Variants in DENND1B observed in about 807,000 individuals in gnomAD.
The protein encoded by DENND1B is DENN domain containing 1B.
A neutral mutation model predicts 90.1 loss-of-function variants in DENND1B; 59 were observed. The observed-to-expected ratio is 0.65, with a 90% CI of 0.53 to 0.81. DENND1B has a LOEUF of 0.81. Among genes scored for constraint, DENND1B ranks in the 40% least tolerant of loss-of-function variants. DENND1B has a pLI of 0.00. For synonymous variants in DENND1B, 337 were observed against 324.6 expected (o/e 1.04, Z -0.41); for missense variants, 862 against 912.6 (o/e 0.94, Z 0.71).
intron 10 of DENND1B, among the ~76,000 whole-genome samples, chr1:197,620,042 T>C (rs1409397477): frequency 6.6e-6 from 1 of 151,286 alleles, no homozygotes. Context: ...ATAGCAAAAG[T>C]GTCAGGTTTA....
chr1:197,567,731 A>G (rs1672798555), intron 15 of DENND1B, among the ~76,000 whole-genome samples: 1 of 152,180 alleles, frequency 6.6e-6, no homozygotes, highest in Non-Finnish European at 1.5e-5. Context: ...TCACATCAAC[A>G]GATGCACAAA....
intron 14 of DENND1B, among the ~76,000 whole-genome samples, chr1:197,588,893 T>C (rs1051716342): frequency 2.6e-4 from 39 of 152,238 alleles, no homozygotes; most frequent in African/African-American, 8.7e-4. Context: ...AGTTTAATCA[T>C]CAGCATCAAA....
At chr1:197,625,017 T>G (rs929211910) in intron 10 of DENND1B, among the ~76,000 whole-genome samples, 10 of 151,766 alleles carry the variant, frequency 6.6e-5, no homozygotes, top group African/African-American at 2.4e-4. Flanking sequence ...TGGGACTATG[T>G]GAAAAGACCA....
intron 2 of DENND1B, among the ~76,000 whole-genome samples, chr1:197,741,966 C>G (rs1457708428): frequency 2.6e-5 from 4 of 151,998 alleles, no homozygotes; most frequent in Admixed American, 2.6e-4. Flanking sequence ...GCTACTGAAC[C>G]TAACATAGAG....
At chr1:197,763,927 A>G (rs189446844) in intron 2 of DENND1B, among the ~76,000 whole-genome samples, 526 of 152,342 alleles carry the variant, frequency 3.5e-3, no homozygotes, top group African/African-American at 8.4e-3. Context: ...TGCATGACGC[A>G]TAACTGGCAC....
intron 20 of DENND1B, among the ~76,000 whole-genome samples, chr1:197,536,222 T>G (rs1244883295): frequency 2.0e-5 from 3 of 149,106 alleles, no homozygotes; most frequent in Admixed American, 2.0e-4. Flanking sequence ...AAGCTGATAT[T>G]CTTCCCTGAT....
intron 2 of DENND1B, among the ~76,000 whole-genome samples, chr1:197,766,491 T>A (rs999295810): frequency 1.3e-5 from 2 of 152,220 alleles, no homozygotes; most frequent in South Asian, 2.1e-4. Flanking sequence ...GGTTTTAGTA[T>A]GTATGAATGG....
intron 20 of DENND1B, among the ~76,000 whole-genome samples, chr1:197,513,283 C>T (rs780341985): frequency 4.0e-5 from 6 of 151,522 alleles, no homozygotes; most frequent in South Asian, 2.1e-4. Context: ...TACCCTCATG[C>T]ACCCATCACA....
At chr1:197,735,700 C>T in intron 2 of DENND1B, 1 of 1,613,970 alleles carries the variant, frequency 6.2e-7, no homozygotes, top group Non-Finnish European at 8.5e-7. Flanking sequence ...AGGCGCTACG[C>T]CAGGACCGAC....
intron 13 of DENND1B, among the ~76,000 whole-genome samples, chr1:197,600,802 G>T (rs1676139111): frequency 6.6e-6 from 1 of 151,258 alleles, no homozygotes; most frequent in South Asian, 2.1e-4. Context: ...TCTCATACTG[G>T]TGCACCTGAA....
At chr1:197,687,674 T>G (rs1422803843) in intron 3 of DENND1B, among the ~76,000 whole-genome samples, 1 of 152,114 alleles carries the variant, frequency 6.6e-6, no homozygotes, top group East Asian at 1.9e-4. Flanking sequence ...CTCAAAATAA[T>G]GAAGGCCATA....
chr1:197,720,700 T>C (rs1159585323), intron 2 of DENND1B, among the ~76,000 whole-genome samples: 1 of 152,116 alleles, frequency 6.6e-6, no homozygotes, highest in Non-Finnish European at 1.5e-5. Flanking sequence ...AACACAGATT[T>C]ACTGCATGAT....
chr1:197,613,197 A>G (rs1167844982), intron 11 of DENND1B, among the ~76,000 whole-genome samples: 7 of 150,756 alleles, frequency 4.6e-5, no homozygotes, highest in African/African-American at 1.5e-4. Flanking sequence ...CCAGCAATAG[A>G]TTACACAGCC....
intron 15 of DENND1B, 94 bp downstream of exon 15, chr1:197,583,058 C>A: frequency 9.0e-7 from 1 of 1,116,072 alleles, no homozygotes; most frequent in South Asian, 1.5e-5. Flanking sequence ...AGAAAAGATG[C>A]TACTCAGGGT....
chr1:197,615,427 G>C (rs530713933), intron 11 of DENND1B, among the ~76,000 whole-genome samples: 41 of 151,060 alleles, frequency 2.7e-4, no homozygotes, highest in Non-Finnish European at 4.8e-4. Context: ...ATACTTTATG[G>C]AGGTAGGATT....
At chr1:197,589,474 G>A (rs868787346) in intron 14 of DENND1B, among the ~76,000 whole-genome samples, 1 of 152,152 alleles carries the variant, frequency 6.6e-6, no homozygotes, top group Non-Finnish European at 1.5e-5. Flanking sequence ...GAAAGGATGT[G>A]TAAAATGTTT....
chr1:197,763,329 A>G (rs1655330653), intron 2 of DENND1B, among the ~76,000 whole-genome samples: 1 of 152,170 alleles, frequency 6.6e-6, no homozygotes, highest in Non-Finnish European at 1.5e-5. Context: ...TTACCTGTTT[A>G]ATACTGTAAT....
intron 7 of DENND1B, among the ~76,000 whole-genome samples, chr1:197,650,975 C>A (rs1247219352): frequency 6.6e-6 from 1 of 151,970 alleles, no homozygotes; most frequent in African/African-American, 2.4e-5. Flanking sequence ...AAAGAACTTA[C>A]TCATGTAACC....
intron 16 of DENND1B, among the ~76,000 whole-genome samples, chr1:197,549,186 AC>A (rs1671036933): frequency 6.6e-6 from 1 of 152,136 alleles, no homozygotes; most frequent in Non-Finnish European, 1.5e-5. Context: ...ACACTTAAGG[AC>A]AAAATATCTA....
Sources: allele counts gnomAD v4.1 joint callset (sites outside exome capture counted in the v4.1 genomes callset), GRCh38; gene constraint gnomAD v4.1.1; transcripts MANE v1.5; gene names NCBI Gene and HGNC (gene_info 2026-07-23, HGNC 2026-07-21).